The following TAS2R1 variants were observed in gnomAD, a reference collection of about 807,000 sequenced individuals.
TAS2R1 encodes taste 2 receptor member 1, also known as taste receptor type 2 member 1.
For synonymous variants in TAS2R1, 141 were observed against 134.2 expected (o/e 1.05, Z -0.35); for missense variants, 370 against 353.4 (o/e 1.05, Z -0.38).
chr5:9,822,172 T>C, the TAS2R1 span, among the ~76,000 whole-genome samples: 2 of 152,278 alleles, frequency 1.3e-5, no homozygotes, highest in East Asian at 3.9e-4. Context: ...AATGTTTTGT[T>C]TCTAATTTTC....
At chr5:9,757,245 A>G in the TAS2R1 span, among the ~76,000 whole-genome samples, 1 of 152,226 alleles carries the variant, frequency 6.6e-6, no homozygotes, top group Admixed American at 6.5e-5. Context: ...GAGCTCTTTC[A>G]TAGTGTGGAA....
At chr5:9,853,235 G>A in the TAS2R1 span, among the ~76,000 whole-genome samples, 3 of 152,214 alleles carry the variant, frequency 2.0e-5, no homozygotes, top group Non-Finnish European at 1.5e-5. Flanking sequence ...AGTGGTAGAA[G>A]AAAACAACTT....
At chr5:9,882,185 C>T in the TAS2R1 span, among the ~76,000 whole-genome samples, 1 of 152,096 alleles carries the variant, frequency 6.6e-6, no homozygotes, top group African/African-American at 2.4e-5. Context: ...TAAAAAGTGG[C>T]CAAAGGACAT....
At chr5:9,794,889 A>G in the TAS2R1 span, among the ~76,000 whole-genome samples, 3 of 152,206 alleles carry the variant, frequency 2.0e-5, no homozygotes, top group Admixed American at 6.5e-5. Context: ...TTCAACCTAC[A>G]CACATTAATA....
chr5:9,756,584 C>T, the TAS2R1 span, among the ~76,000 whole-genome samples: 1 of 152,112 alleles, frequency 6.6e-6, no homozygotes. Context: ...TTAAGAAATA[C>T]ATAGCACATA....
upstream of TAS2R1, among the ~76,000 whole-genome samples, chr5:9,633,291 A>ATTT (rs1211929132): frequency 1.5e-5 from 1 of 65,366 alleles, no homozygotes; most frequent in Non-Finnish European, 2.9e-5. Context: ...GTGTGTGTGT[A>ATTT]TATTATATAT....
At chr5:9,674,114 G>A (rs1193068830) in intron 1 of TAS2R1, among the ~76,000 whole-genome samples, 2 of 152,164 alleles carry the variant, frequency 1.3e-5, no homozygotes, top group Non-Finnish European at 2.9e-5. Flanking sequence ...TTCCAATGCT[G>A]ATACAGAGAT....
chr5:9,888,597 A>C, the TAS2R1 span, among the ~76,000 whole-genome samples: 1 of 152,236 alleles, frequency 6.6e-6, no homozygotes, highest in Non-Finnish European at 1.5e-5. Flanking sequence ...AGCTGTGTGC[A>C]ACGGTGAGGA....
chr5:9,638,783 G>A (rs1252531771), intron 2 of TAS2R1, among the ~76,000 whole-genome samples: 1 of 152,182 alleles, frequency 6.6e-6, no homozygotes, highest in Non-Finnish European at 1.5e-5. Flanking sequence ...CTCTCCTTGA[G>A]TGGGGCTTGC....
At chr5:9,694,263 C>T (rs185623524) in intron 1 of TAS2R1, among the ~76,000 whole-genome samples, 26 of 152,012 alleles carry the variant, frequency 1.7e-4, no homozygotes, top group African/African-American at 5.8e-4. Context: ...CAAAATCAAA[C>T]ACATTTTAAT....
chr5:9,805,889 C>G, the TAS2R1 span, among the ~76,000 whole-genome samples: 1 of 151,950 alleles, frequency 6.6e-6, no homozygotes, highest in African/African-American at 2.4e-5. Flanking sequence ...ACTGGAAGTC[C>G]TAGCCAGAGC....
chr5:9,675,334 T>C (rs984904753), intron 1 of TAS2R1, among the ~76,000 whole-genome samples: 3 of 151,422 alleles, frequency 2.0e-5, no homozygotes, highest in Non-Finnish European at 4.4e-5. Context: ...TTCTACAATA[T>C]ATATGTATAG....
At position 9,690,283 on chromosome 5, in the gene TAS2R1, T is replaced by G. The variant is rs1397621385; in HGVS notation, c.-242+21889A>C. On this transcript the variant is annotated intron_variant, in intron 1 of 2. Coordinates refer to the TAS2R1 transcript ENST00000506620. ...GACTTTCCTGAAGATGTACCTTTCT[T>G]AATATACACATTTGGGAAAATCAAA... Among the ~76,000 whole-genome samples, 3 of 152,188 alleles carry G rather than the reference T, an allele frequency of 2.0e-5. No homozygotes were observed. The East Asian group carries it at 5.8e-4, about 29-fold the overall frequency.
upstream of TAS2R1, among the ~76,000 whole-genome samples, chr5:9,632,485 T>C (rs1739888853): frequency 6.6e-6 from 1 of 152,204 alleles, no homozygotes; most frequent in Non-Finnish European, 1.5e-5. Flanking sequence ...ACAAAAGACC[T>C]CTCTGTAGCA....
the TAS2R1 span, among the ~76,000 whole-genome samples, chr5:9,866,027 T>C: frequency 6.6e-6 from 1 of 152,188 alleles, no homozygotes; most frequent in Non-Finnish European, 1.5e-5. Flanking sequence ...TACCTGAAAT[T>C]CAATCTTTTC....
chr5:9,738,063 T>C, the TAS2R1 span, among the ~76,000 whole-genome samples: 2 of 152,208 alleles, frequency 1.3e-5, no homozygotes, highest in East Asian at 3.8e-4. Context: ...GCCGCCCTCA[T>C]ACTTGTCGTT....
At chr5:9,724,841 A>G in the TAS2R1 span, among the ~76,000 whole-genome samples, 4 of 152,236 alleles carry the variant, frequency 2.6e-5, no homozygotes, top group African/African-American at 9.6e-5. Flanking sequence ...ATGACTTTAC[A>G]ATTTAGGAGA....
At chr5:9,841,389 AT>A in the TAS2R1 span, among the ~76,000 whole-genome samples, 1 of 152,154 alleles carries the variant, frequency 6.6e-6, no homozygotes, top group African/African-American at 2.4e-5. Flanking sequence ...ACTTACATAC[AT>A]TCAGCATTCC....
At chr5:9,901,669 A>G in the TAS2R1 span, among the ~76,000 whole-genome samples, 1 of 152,114 alleles carries the variant, frequency 6.6e-6, no homozygotes, top group African/African-American at 2.4e-5. Flanking sequence ...GGGAAAAGAC[A>G]GAAAGTAAGG....
Sources: allele counts gnomAD v4.1 joint callset (sites outside exome capture counted in the v4.1 genomes callset), GRCh38; gene constraint gnomAD v4.1.1; transcripts MANE v1.5; gene names NCBI Gene and HGNC (gene_info 2026-07-23, HGNC 2026-07-21).